The following MYH14 variants were observed in gnomAD, a reference collection of about 807,000 sequenced individuals.
MYH14 encodes myosin heavy chain 14, also known as myosin-14.
A neutral mutation model predicts 255.5 loss-of-function variants in MYH14; 123 were observed. That is an observed-to-expected ratio of 0.48 (90% CI 0.42 to 0.56). The LOEUF (loss-of-function observed/expected upper bound fraction) is 0.56, where lower values mean the gene tolerates loss of function less well. Ranked by LOEUF, MYH14 falls within the 20% of genes least tolerant of loss-of-function variation. The probability of loss-of-function intolerance (pLI) is 0.00; values close to 1 mark genes in which losing one functional copy is unlikely to be tolerated. For missense variants in MYH14, 2,423 were observed against 2,802.3 expected, an observed-to-expected ratio of 0.86 and a Z score of 3.06; for synonymous variants, 1,095 against 1,161.2, an observed-to-expected ratio of 0.94 and a Z score of 1.16.
intron 32 of MYH14, among the ~76,000 whole-genome samples, chr19:50,281,303 A>G (rs769931737): frequency 1.4e-4 from 21 of 151,930 alleles, no homozygotes; most frequent in Non-Finnish European, 2.6e-4. Flanking sequence ...CTTAACCCCT[A>G]TCACCCTGGC....
rs374911327 is a variant in MYH14 at position 50,286,636 on chromosome 19, G to A, written c.4694G>A (p.Arg1565Gln). The A allele has an allele frequency of 6.9e-6, 11 of 1,592,224 alleles. No individual in the cohort carries two copies. Among genetic ancestry groups the A allele is most frequent in the East Asian group, 2.3e-5 (1 of 44,090 alleles). The change falls in exon 34 of 43, where the codon CGG becomes CAG. Residue 1565 changes from arginine to glutamine, a missense_variant. Arg to Gln is a conservative substitution (Grantham distance 43). Coordinates refer to ENST00000642316, the MANE Select transcript of MYH14 (RefSeq NM_001145809.2). The part of the protein sequence containing the change: ...EAREELERQN[R>Q]ALRAELEALL... ...CGTGAGGAGCTGGAGCGGCAGAACCGGGCCCTGCGGGCTGAGCTGGAGGCA... is the reference window on the plus strand; with the variant it reads ...CGTGAGGAGCTGGAGCGGCAGAACCAGGCCCTGCGGGCTGAGCTGGAGGCA...
intron 17 of MYH14, among the ~76,000 whole-genome samples, chr19:50,255,661 C>T (rs1304204576): frequency 1.3e-5 from 2 of 152,102 alleles, no homozygotes; most frequent in South Asian, 2.1e-4. Context: ...AGTTAAGTAA[C>T]TTGCTGAGGT....
intron 39 of MYH14, among the ~76,000 whole-genome samples, chr19:50,299,624 G>A (rs1344441192): frequency 6.6e-6 from 1 of 151,348 alleles, no homozygotes; most frequent in African/African-American, 2.4e-5. Context: ...GATGGAGGAG[G>A]GAACTGCAGG....
chr19:50,291,607 G>A (rs1379673252), intron 36 of MYH14, among the ~76,000 whole-genome samples: 1 of 152,186 alleles, frequency 6.6e-6, no homozygotes, highest in African/African-American at 2.4e-5. Flanking sequence ...GCTCACACCT[G>A]TAATCCCACC....
At chr19:50,278,843 C>T (rs2035608501) in intron 30 of MYH14, among the ~76,000 whole-genome samples, 1 of 151,014 alleles carries the variant, frequency 6.6e-6, no homozygotes. Context: ...ACAAAATTAG[C>T]CGGGCGTGAT....
At chr19:50,279,949 C>T in intron 30 of MYH14, 88 bp from the exon 31 acceptor site, 1 of 937,200 alleles carries the variant, frequency 1.1e-6, no homozygotes, top group Non-Finnish European at 1.7e-6. Context: ...ATTTCACATT[C>T]CTGCCAGTGT....
At position 50,263,376 on chromosome 19, in the gene MYH14, T is replaced by A; in HGVS notation, c.2650T>A (p.Tyr884Asn). Reference protein sequence around the residue: ...LRVMQRNCAAYLKLRHWQWWR... With the variant: ...LRVMQRNCAANLKLRHWQWWR... ...GGTGATGCAGCGGAACTGCGCGGCC[T>A]ACCTCAAGCTGAGACACTGGCAGTG... The change falls in exon 22 of 43, where the codon TAC (tyrosine) becomes AAC (asparagine). Residue 884 changes from tyrosine (Y) to asparagine (N), a missense_variant. This residue lies in a region of MYH14 where 1,513 missense variants were observed against 1,674.8 expected (regional missense o/e 0.90). Coordinates refer to ENST00000642316, the MANE Select transcript of MYH14 (RefSeq NM_001145809.2). The A allele has an allele frequency of 6.2e-7, 1 of 1,604,106 alleles. No individual in the cohort carries two copies. Among genetic ancestry groups the A allele is most frequent in the Non-Finnish European group, 8.5e-7 (1 of 1,175,544 alleles).
At chr19:50,232,469 C>T (rs946498567) in intron 10 of MYH14, among the ~76,000 whole-genome samples, 1 of 151,926 alleles carries the variant, frequency 6.6e-6, no homozygotes, top group Non-Finnish European at 1.5e-5. Context: ...TGGTGGGCAC[C>T]TGTAATCCCA....
rs2036050989 is a variant in MYH14, at chr19:50,290,914, G to A, written c.4993G>A (p.Glu1665Lys). ...QLRDAEVERD[E>K]ERKQRTLAVA... is the part of the protein sequence containing the mutation. ...GAGAGATGCAGAGGTGGAGCGGGAT[G>A]AGGAGCGGAAGCAGCGCACTCTGGC... is the stretch of plus-strand genomic sequence containing the variant. Residue 1665 changes from glutamate to lysine, a missense_variant, in exon 36 of 43, where the codon GAG becomes AAG. Around this residue, in one of 3 missense-constraint regions of MYH14, gnomAD observed 1,513 missense variants for 1,674.8 expected, o/e 0.90. Transcript: ENST00000642316. 6.4e-7 allele frequency: 1 copy of A among 1,573,020 alleles called. No homozygotes were observed. The highest frequency in any genetic ancestry group is 8.6e-7 in the Non-Finnish European group (1 of 1,159,994).
Position 50,303,875 on chromosome 19 carries a change from C to A in MYH14, c.5678+2006C>A, listed in dbSNP as rs114905536. On this transcript the variant is annotated intron_variant, in intron 40 of 42. Transcript: ENST00000642316. ...CCAGTTGCTGGAATGACCAAGAATG[C>A]CCCCATAACATTCCTAGTTGAGAAC... Among the ~76,000 whole-genome samples, 1,346 of 152,236 alleles carry A rather than the reference C, an allele frequency of 8.8e-3. 27 individuals carry two copies. The highest frequency in any genetic ancestry group is 0.031 in the African/African-American group (1,280 of 41,524).
At chr19:50,237,311 C>T (rs599827) in intron 10 of MYH14, among the ~76,000 whole-genome samples, 146,082 of 151,630 alleles carry the variant, frequency 0.96, 70,421 homozygotes, top group African/African-American at 0.99. Context: ...CTCCCTACCC[C>T]AACTCAGGTG....
intron 15 of MYH14, among the ~76,000 whole-genome samples, chr19:50,251,490 T>TATATATACAC (rs2034373679): frequency 7.6e-6 from 1 of 130,808 alleles, no homozygotes; most frequent in African/African-American, 2.8e-5. Flanking sequence ...TATACACACA[T>TATATATACAC]ATATATATAC....
intron 2 of MYH14, among the ~76,000 whole-genome samples, chr19:50,214,505 C>A (rs2032367224): frequency 6.6e-6 from 1 of 152,084 alleles, no homozygotes; most frequent in African/African-American, 2.4e-5. Flanking sequence ...CGTAGAACAC[C>A]CCGCTCTGAG....
chr19:50,270,409 A>G (rs1396868566), intron 24 of MYH14, among the ~76,000 whole-genome samples: 1 of 151,312 alleles, frequency 6.6e-6, no homozygotes, highest in Non-Finnish European at 1.5e-5. Flanking sequence ...AATCCCAGCT[A>G]CTCGAGAGGC....
intron 11 of MYH14, 109 bp downstream of exon 11, chr19:50,244,446 T>G: frequency 1.3e-6 from 1 of 780,618 alleles, no homozygotes; most frequent in East Asian, 2.7e-5. Flanking sequence ...CAGCCACACC[T>G]GTCTCCAACC....
chr19:50,290,951 G>T lies in MYH14; in HGVS notation c.5030G>T (p.Arg1677Leu), dbSNP rs377399732. The T allele has an allele frequency of 9.1e-5, 146 of 1,598,814 alleles. No individual in the cohort carries two copies. The highest frequency in any genetic ancestry group is 1.2e-4 in the Non-Finnish European group (142 of 1,173,418). Residue 1677 changes from arginine (R) to leucine (L), a missense_variant, in exon 36 of 43, where the codon CGC becomes CTC. By Grantham distance (102) the Arg-to-Leu change is moderately radical (BLOSUM62 -2). Transcript: ENST00000642316. ...CAGCGCACTCTGGCCGTGGCTGCCC[G>T]CAAGAAGCTGGAGGGAGAGCTGGAG... is the stretch of plus-strand genomic sequence containing the variant. ...RKQRTLAVAA[R>L]KKLEGELEEL...
rs1479505599 is a variant in MYH14, at chr19:50,281,582, T to G, written c.4291-12T>G. The G allele has an allele frequency of 6.4e-7, 1 of 1,568,734 alleles. No homozygotes were observed. On this transcript the variant is annotated splice_polypyrimidine_tract_variant and intron_variant, in intron 32 of 42. Coordinates refer to ENST00000642316, the MANE Select transcript of MYH14 (RefSeq NM_001145809.2). Reference sequence around the variant, plus strand: ...CCGTGACCACCAACCACCCTCTCTCTCCTCCCCTCAGCTTTCCGAGTGGCG... The same window carrying G: ...CCGTGACCACCAACCACCCTCTCTCGCCTCCCCTCAGCTTTCCGAGTGGCG...
At position 50,309,098 on chromosome 19, in the gene MYH14, C is replaced by T. The variant is rs747201157; in HGVS notation, c.5881C>T (p.Leu1961=). The T allele has an allele frequency of 1.2e-6, 2 of 1,613,776 alleles. No individual in the cohort carries two copies. The highest frequency in any genetic ancestry group is 2.7e-5 in the African/African-American group (2 of 74,914). Residue 1961 remains leucine (L), a synonymous_variant, in exon 42 of 43, where the codon CTG becomes TTG. Transcript: ENST00000642316. Reference sequence around the variant, plus strand: ...CCGGGCTCAGGCCGGCCGCCGGAGGCTGCAGCGTGAGCTGGAAGATGTCAC... The same window carrying T: ...CCGGGCTCAGGCCGGCCGCCGGAGGTTGCAGCGTGAGCTGGAAGATGTCAC... The part of the protein sequence containing the change: ...ASRAQAGRRR[L]QRELEDVTES...
intron 13 of MYH14, 200 bp from the exon 14 acceptor site, chr19:50,249,450 T>C: frequency 1.5e-6 from 1 of 652,754 alleles, no homozygotes; most frequent in Non-Finnish European, 2.6e-6. Flanking sequence ...TCTCTGTCTC[T>C]GGGTCTCTGT....
Sources: gnomAD v4.1 joint callset for allele counts (sites outside exome capture counted in the v4.1 genomes callset) on GRCh38, gnomAD v4.1.1 for gene constraint, gnomAD v4.1.1 regional missense constraint, MANE v1.5 for transcripts, NCBI Gene and HGNC (gene_info 2026-07-23, HGNC 2026-07-21) for gene names.